The following NUP210 variants were observed in gnomAD, a reference collection of about 807,000 sequenced individuals.
NUP210 encodes nucleoporin 210, also known as nuclear pore membrane glycoprotein 210.
NUP210 carries 151 observed loss-of-function variants against 196.0 expected under a neutral mutation model. That is an observed-to-expected ratio of 0.77 (90% confidence interval 0.67 to 0.88). The LOEUF (loss-of-function observed/expected upper bound fraction) is 0.88. Among genes scored for constraint, NUP210 ranks in the 40% least tolerant of loss-of-function variants. The pLI is 0.00. For missense variants in NUP210, 2,314 were observed against 2,493.7 expected, an observed-to-expected ratio of 0.93 and a Z score of 1.53; for synonymous variants, 1,070 against 1,052.7, an observed-to-expected ratio of 1.02 and a Z score of -0.32.
In NUP210 at chr3:13,330,583, A is replaced by AACCTTTTCGGGTCCATCCAGGACGCGGT; in HGVS notation, c.3959_3986dup (p.Val1331ArgfsTer14). 6.2e-7 allele frequency: 1 copy of AACCTTTTCGGGTCCATCCAGGACGCGGT among 1,614,204 alleles called. No individual in the cohort carries two copies. Among genetic ancestry groups the AACCTTTTCGGGTCCATCCAGGACGCGGT allele is most frequent in the Non-Finnish European group, 8.5e-7 (1 of 1,180,026 alleles). ...CTTTCTCATCAACATGCACAACTGG[A>AACCTTTTCGGGTCCATCCAGGACGCGGT]ACCTTTTCGGGTCCATCCAGGACGC... On this transcript the variant is annotated frameshift_variant, in exon 30 of 40. Coordinates refer to ENST00000254508, the MANE Select transcript of NUP210 (RefSeq NM_024923.4). LOFTEE classifies it high-confidence loss of function.
intron 22 of NUP210, 53 bp from the exon 23 acceptor site, chr3:13,341,936 C>CTGCA (rs1341468737): frequency 1.2e-6 from 2 of 1,613,212 alleles, no homozygotes; most frequent in African/African-American, 2.7e-5. Flanking sequence ...GTGGGAAAGG[C>CTGCA]TGCAGCTGGG....
At chr3:13,333,310 C>T (rs1697076311) in intron 28 of NUP210, among the ~76,000 whole-genome samples, 1 of 152,262 alleles carries the variant, frequency 6.6e-6, no homozygotes, top group African/African-American at 2.4e-5. Context: ...GGGCTGCTGC[C>T]TCCTCGGCCT....
chr3:13,363,947 A>G (rs1331675024), intron 14 of NUP210, among the ~76,000 whole-genome samples: 1 of 152,124 alleles, frequency 6.6e-6, no homozygotes, highest in Non-Finnish European at 1.5e-5. Flanking sequence ...GAAATGCTCT[A>G]GCTCCCAGAA....
In NUP210 at chr3:13,328,910, G is replaced by C; in HGVS notation, c.4147C>G (p.Pro1383Ala). ...TCCTTGTTCTGGGTGTGCAGGACAG[G>C]GCTCATGGAAACCCTCAGGTAGGAA... ...PVSYLRVSMS[P>A]VLHTQNKEAL... Residue 1383 changes from proline to alanine, a missense_variant, in exon 31 of 40, where the codon CCT (proline) becomes GCT (alanine). Transcript: ENST00000254508. 2 of 1,614,016 alleles carry C rather than the reference G, an allele frequency of 1.2e-6. No homozygotes were observed. Among genetic ancestry groups the C allele is most frequent in the Non-Finnish European group, 1.7e-6 (2 of 1,179,956 alleles).
Position 13,375,497 on chromosome 3 carries a change from C to G in NUP210, c.1431+7G>C, listed in dbSNP as rs1309216198. 3 of 1,613,264 alleles carry G rather than the reference C, an allele frequency of 1.9e-6. No homozygotes were observed. Among genetic ancestry groups the G allele is most frequent in the Non-Finnish European group, 2.5e-6 (3 of 1,179,470 alleles). ...GAATGCACGCAGAGGTGAGGGGTCT[C>G]ACGTACCCTTATTGTGTACTGATAG... On this transcript the variant is annotated splice_region_variant and intron_variant, in intron 11 of 39. Transcript: ENST00000254508.
At chr3:13,346,616 G>A (rs575692124) in intron 20 of NUP210, among the ~76,000 whole-genome samples, 233 of 152,318 alleles carry the variant, frequency 1.5e-3, no homozygotes, top group Non-Finnish European at 2.0e-3. Flanking sequence ...CAAATACCTC[G>A]GAGCTTGCCA....
chr3:13,329,793 G>T (rs1696921547), intron 30 of NUP210, among the ~76,000 whole-genome samples: 1 of 152,228 alleles, frequency 6.6e-6, no homozygotes, highest in South Asian at 2.1e-4. Flanking sequence ...CTGACCCAGG[G>T]ATGCTGATGG....
intron 13 of NUP210, among the ~76,000 whole-genome samples, chr3:13,368,370 C>T (rs1698612328): frequency 6.6e-6 from 1 of 152,310 alleles, no homozygotes; most frequent in African/African-American, 2.4e-5. Context: ...GGCCACCGTG[C>T]CCAGCCTAAA....
rs1697913719 is a variant in NUP210, at chr3:13,350,096, A to G, written c.2835+1783T>C. Among the ~76,000 whole-genome samples the G allele has an allele frequency of 6.6e-6, 1 of 152,212 alleles. No individual in the cohort carries two copies. Among genetic ancestry groups the G allele is most frequent in the Non-Finnish European group, 1.5e-5 (1 of 68,038 alleles). ...CCAAAAAAAGCCCTGCAAAGGCCAC[A>G]GTCATCCCAGAGTGACAAAGGACAT... On this transcript the variant is annotated intron_variant, in intron 20 of 39. Transcript: ENST00000254508. This position sits in a 1 kb window ranked among gnomAD's most constrained non-coding sequence, Gnocchi z 4.1.
chr3:13,375,481 C>T (rs1576396809), intron 11 of NUP210, 23 bp downstream of exon 11: 2 of 1,606,274 alleles, frequency 1.2e-6, no homozygotes, highest in East Asian at 4.5e-5. Context: ...GGAATGCACG[C>T]AGAGGTGAGG....
At chr3:13,345,443 G>A (rs748343073) in intron 20 of NUP210, among the ~76,000 whole-genome samples, 7 of 152,338 alleles carry the variant, frequency 4.6e-5, no homozygotes, top group Non-Finnish European at 8.8e-5. Context: ...GGGGCTGGAG[G>A]CCTCCTGCAG....
At chr3:13,318,440 A>G (rs1205311311) in intron 39 of NUP210, among the ~76,000 whole-genome samples, 1 of 152,148 alleles carries the variant, frequency 6.6e-6, no homozygotes, top group Non-Finnish European at 1.5e-5. Context: ...ACCCCCCTGA[A>G]GCCGGTCCAT....
chr3:13,332,887 G>C (rs181618317), intron 28 of NUP210, among the ~76,000 whole-genome samples: 2 of 152,316 alleles, frequency 1.3e-5, no homozygotes, highest in East Asian at 3.9e-4. Flanking sequence ...GAGCGCGGAG[G>C]GCAGCACACA....
rs1696734422 is a variant in NUP210 at position 13,325,946 on chromosome 3, C to G, written c.4508-15G>C. On this transcript the variant is annotated splice_polypyrimidine_tract_variant and intron_variant, in intron 32 of 39. Transcript: ENST00000254508. ...TCCTGAGAGGCCTGGAGAGGAAGCA[C>G]AGGTGTCAGCCCCCTTTCCATAGCT... is the stretch of plus-strand genomic sequence containing the variant. 2 of 1,613,198 alleles carry G rather than the reference C, an allele frequency of 1.2e-6. No individual in the cohort carries two copies. The highest frequency in any genetic ancestry group is 1.7e-6 in the Non-Finnish European group (2 of 1,179,808).
rs1216715283 is a variant in NUP210, at chr3:13,323,068, G to A, written c.4768+241C>T. 6.6e-6 allele frequency among the ~76,000 whole-genome samples: 1 copy of A among 152,204 alleles called. No homozygotes were observed. The highest frequency in any genetic ancestry group is 1.9e-4 in the East Asian group (1 of 5,196). Reference sequence around the variant, plus strand: ...CTCGGGCTGAAGTCACATTTCCAGTGCAGAACAGGCACCTTCTGGGAGCTG... The same window carrying A: ...CTCGGGCTGAAGTCACATTTCCAGTACAGAACAGGCACCTTCTGGGAGCTG... On this transcript the variant is annotated intron_variant, in intron 34 of 39. Transcript: ENST00000254508. The surrounding 1 kb of genome is among the most constrained non-coding windows in gnomAD (Gnocchi z 4.3).
intron 1 of NUP210, among the ~76,000 whole-genome samples, chr3:13,400,831 C>T (rs1011458289): frequency 4.6e-5 from 7 of 152,344 alleles, no homozygotes; most frequent in Middle Eastern, 3.4e-3. Context: ...GGGCCGCACC[C>T]GGCACAGCAC....
intron 33 of NUP210, among the ~76,000 whole-genome samples, chr3:13,324,579 C>T (rs907670972): frequency 2.0e-5 from 3 of 152,200 alleles, no homozygotes; most frequent in African/African-American, 7.2e-5. Flanking sequence ...TCTGGATGCT[C>T]ATGGAGCTCT....
At chr3:13,333,765 G>A (rs889545826) in intron 28 of NUP210, among the ~76,000 whole-genome samples, 3 of 152,140 alleles carry the variant, frequency 2.0e-5, no homozygotes, top group Admixed American at 6.5e-5. Flanking sequence ...CTTACTGCCT[G>A]GTAAATACAT....
At position 13,336,780 on chromosome 3, in the gene NUP210, T is replaced by A; in HGVS notation, c.3684+7A>T. On this transcript the variant is annotated splice_region_variant and intron_variant, in intron 27 of 39. Transcript: ENST00000254508. Reference sequence around the variant, plus strand: ...GGAGGTGAGCTCTGGAGGGGGTGGTTACCTACCTCGTGGTGCCGCCCTCGG... The same window carrying A: ...GGAGGTGAGCTCTGGAGGGGGTGGTAACCTACCTCGTGGTGCCGCCCTCGG... The A allele has an allele frequency of 1.2e-6, 2 of 1,612,302 alleles. No homozygotes were observed. Among genetic ancestry groups the A allele is most frequent in the Non-Finnish European group, 1.7e-6 (2 of 1,179,158 alleles).
Sources: allele counts gnomAD v4.1 joint callset (sites outside exome capture counted in the v4.1 genomes callset), GRCh38; gene constraint gnomAD v4.1.1; non-coding constraint Gnocchi (gnomAD v3.1); transcripts MANE v1.5; gene names NCBI Gene and HGNC (gene_info 2026-07-23, HGNC 2026-07-21).